The following DGKB variants were observed in gnomAD, a reference collection of about 807,000 sequenced individuals.
DGKB encodes 90 kDa diacylglycerol kinase.
In DGKB, 67 loss-of-function variants were observed where a neutral mutation model predicts 114.3. The ratio of observed to expected loss-of-function variants is 0.59; its 90% CI spans 0.48 to 0.72. The LOEUF (loss-of-function observed/expected upper bound fraction) is 0.72, where lower values mean the gene tolerates loss of function less well. DGKB is among the 30% of genes least tolerant of loss of function. DGKB has a pLI of 0.00. For missense variants in DGKB, 907 were observed against 975.2 expected, an observed-to-expected ratio of 0.93 and a Z score of 0.93; for synonymous variants, 398 against 323.1, an observed-to-expected ratio of 1.23 and a Z score of -2.49.
chr7:14,458,547 G>T (rs550763094), intron 21 of DGKB, among the ~76,000 whole-genome samples: 9 of 152,048 alleles, frequency 5.9e-5, no homozygotes, highest in Admixed American at 5.9e-4. Flanking sequence ...GCCCACAGAG[G>T]GTGAGCCGAA....
intron 13 of DGKB, among the ~76,000 whole-genome samples, chr7:14,672,590 A>T (rs569826157): frequency 6.6e-6 from 1 of 152,072 alleles, no homozygotes; most frequent in Non-Finnish European, 1.5e-5. Flanking sequence ...AAAATTGCCC[A>T]TAAGAATAAC....
intron 21 of DGKB, among the ~76,000 whole-genome samples, chr7:14,351,924 G>A (rs1390934252): frequency 6.6e-6 from 1 of 152,086 alleles, no homozygotes; most frequent in African/African-American, 2.4e-5. Flanking sequence ...AGAGAATAAT[G>A]TTGACAACAT....
intron 23 of DGKB, among the ~76,000 whole-genome samples, chr7:14,249,654 C>G (rs1177599126): frequency 6.6e-6 from 1 of 151,922 alleles, no homozygotes; most frequent in African/African-American, 2.4e-5. Flanking sequence ...CTCTTATGAT[C>G]CTTTGAATTT....
chr7:14,522,101 G>T (rs1227214202), intron 20 of DGKB, among the ~76,000 whole-genome samples: 4 of 152,176 alleles, frequency 2.6e-5, no homozygotes, highest in African/African-American at 9.6e-5. Flanking sequence ...CCCAAAGATT[G>T]GTCAGAGTTG....
chr7:14,483,482 G>C (rs1783300673), intron 20 of DGKB, among the ~76,000 whole-genome samples: 1 of 152,268 alleles, frequency 6.6e-6, no homozygotes, highest in Non-Finnish European at 1.5e-5. Context: ...ATGACGTAAA[G>C]GACTGAGCCA....
intron 20 of DGKB, among the ~76,000 whole-genome samples, chr7:14,527,590 C>G (rs1251241916): frequency 6.6e-6 from 1 of 151,934 alleles, no homozygotes; most frequent in Non-Finnish European, 1.5e-5. Flanking sequence ...ATACTTGACT[C>G]TATATAAATC....
At chr7:14,668,840 C>T (rs1818480944) in intron 13 of DGKB, among the ~76,000 whole-genome samples, 1 of 152,232 alleles carries the variant, frequency 6.6e-6, no homozygotes, top group East Asian at 1.9e-4. Flanking sequence ...TGGCTGCCCT[C>T]TCTGTACATC....
intron 23 of DGKB, among the ~76,000 whole-genome samples, chr7:14,244,005 A>G (rs1267082198): frequency 6.6e-6 from 1 of 151,808 alleles, no homozygotes; most frequent in Non-Finnish European, 1.5e-5. Flanking sequence ...TCTATGAAAT[A>G]CAGTGTTATG....
chr7:14,872,715 G>A (rs1587070411), intron 1 of DGKB, among the ~76,000 whole-genome samples: 1 of 151,796 alleles, frequency 6.6e-6, no homozygotes, highest in East Asian at 1.9e-4. Context: ...TTTACTCAAG[G>A]ACACTCTTGT....
chr7:14,191,255 A>C (rs10227649), intron 23 of DGKB: 13,829 of 156,566 alleles, frequency 0.088, 1,530 homozygotes, highest in African/African-American at 0.26. Flanking sequence ...AACAAAATGG[A>C]TTCCACTTAG....
At chr7:14,877,785 T>C (rs943503047) in intron 1 of DGKB, among the ~76,000 whole-genome samples, 1 of 152,220 alleles carries the variant, frequency 6.6e-6, no homozygotes, top group South Asian at 2.1e-4. Context: ...AAATAATTCT[T>C]CACAATGCTA....
intron 1 of DGKB, among the ~76,000 whole-genome samples, chr7:14,855,866 C>T (rs1462265293): frequency 6.6e-6 from 1 of 151,874 alleles, no homozygotes; most frequent in Non-Finnish European, 1.5e-5. Context: ...ATTAACTTAT[C>T]ATAAATAATA....
chr7:14,449,533 TCTC>T (rs1215799813), intron 21 of DGKB, among the ~76,000 whole-genome samples: 2 of 151,988 alleles, frequency 1.3e-5, no homozygotes, highest in Admixed American at 6.6e-5. Context: ...ACCTTGCTCT[TCTC>T]CTTCAAAAAC....
intron 20 of DGKB, among the ~76,000 whole-genome samples, chr7:14,558,082 T>C (rs1796124831): frequency 6.6e-6 from 1 of 150,734 alleles, no homozygotes; most frequent in Admixed American, 6.6e-5. Context: ...TTTTTATCTG[T>C]CTCTTTATAT....
chr7:14,630,066 C>A (rs1809404905), intron 14 of DGKB, among the ~76,000 whole-genome samples, 170 bp downstream of exon 14: 1 of 151,922 alleles, frequency 6.6e-6, no homozygotes, highest in Non-Finnish European at 1.5e-5. Flanking sequence ...TCTATCCCAT[C>A]ACTGAAAATA....
At chr7:14,828,407 C>G (rs1051539464) in intron 2 of DGKB, among the ~76,000 whole-genome samples, 1 of 151,978 alleles carries the variant, frequency 6.6e-6, no homozygotes, top group Non-Finnish European at 1.5e-5. Flanking sequence ...TCAACTCATA[C>G]GATGTGTCTT....
intron 23 of DGKB, among the ~76,000 whole-genome samples, chr7:14,320,559 GTACA>G (rs1208922808): frequency 6.7e-6 from 1 of 149,206 alleles, no homozygotes; most frequent in Non-Finnish European, 1.5e-5. Flanking sequence ...GTACTATATA[GTACA>G]TATATATATG....
intron 20 of DGKB, among the ~76,000 whole-genome samples, chr7:14,527,654 A>C (rs1790859080): frequency 6.6e-6 from 1 of 152,078 alleles, no homozygotes; most frequent in Admixed American, 6.6e-5. Context: ...AAGAGCTATA[A>C]TTTTTGTCGG....
chr7:14,304,826 T>C (rs1263929112), intron 23 of DGKB, among the ~76,000 whole-genome samples: 3 of 152,142 alleles, frequency 2.0e-5, no homozygotes, highest in African/African-American at 4.8e-5. Flanking sequence ...TTAAGGAGTT[T>C]ATATTCTTGA....
Sources: allele counts gnomAD v4.1 joint callset (sites outside exome capture counted in the v4.1 genomes callset), GRCh38; gene constraint gnomAD v4.1.1; transcripts MANE v1.5; gene names NCBI Gene and HGNC (gene_info 2026-07-23, HGNC 2026-07-21).